Variants in TENM3 observed in about 807,000 individuals in gnomAD.
The protein encoded by TENM3 is teneurin transmembrane protein 3, also known as teneurin-3.
TENM3 carries 63 observed loss-of-function variants against 255.1 expected under a neutral mutation model. That is an observed-to-expected ratio of 0.25 (90% CI 0.20 to 0.30). The LOEUF (loss-of-function observed/expected upper bound fraction) is 0.30, where lower values mean the gene tolerates loss of function less well. TENM3 is among the 10% of genes least tolerant of loss of function. The probability of loss-of-function intolerance (pLI) is 1.00; values close to 1 mark genes in which losing one functional copy is unlikely to be tolerated. For missense variants in TENM3, 2,929 were observed against 3,461.1 expected, an observed-to-expected ratio of 0.85 and a Z score of 3.86; for synonymous variants, 1,306 against 1,322.3, an observed-to-expected ratio of 0.99 and a Z score of 0.27.
At chr4:182,435,626 G>C (rs1425519738) in intron 3 of TENM3, among the ~76,000 whole-genome samples, 2 of 152,194 alleles carry the variant, frequency 1.3e-5, no homozygotes, top group Non-Finnish European at 2.9e-5. Flanking sequence ...CCTTGGGCCA[G>C]ATAAAGGCCC....
rs1298531203 is a variant in TENM3 at position 182,751,936 on chromosome 4, G to A, written c.3766G>A (p.Val1256Ile). The A allele has an allele frequency of 6.2e-7, 1 of 1,613,916 alleles. No individual in the cohort carries two copies. The highest frequency in any genetic ancestry group is 8.5e-7 in the Non-Finnish European group (1 of 1,179,892). Reference sequence around the variant, plus strand: ...AAAAGACTTGACTAAAAATGCAGAAGTCGTCGCAGGGACAGGGGAGCAATG... The same window carrying A: ...AAAAGACTTGACTAAAAATGCAGAAATCGTCGCAGGGACAGGGGAGCAATG... ...GAKDLTKNAE[V>I]VAGTGEQCLP... is the part of the protein sequence containing the mutation. The change falls in exon 20 of 28, where the codon GTC (valine) becomes ATC (isoleucine). Residue 1256 changes from valine (V) to isoleucine (I), a missense_variant. Physicochemically the swap from Val to Ile is conservative, Grantham distance 29 (BLOSUM62 3). This residue lies in a region of TENM3 where 1,608 missense variants were observed against 1,884.4 expected (regional missense o/e 0.85). Coordinates refer to ENST00000511685, the MANE Select transcript of TENM3 (RefSeq NM_001080477.4).
At chr4:181,650,740 G>A in the TENM3 span, among the ~76,000 whole-genome samples, 3 of 152,182 alleles carry the variant, frequency 2.0e-5, no homozygotes, top group Non-Finnish European at 4.4e-5. Context: ...AGTAGAATGA[G>A]GTGTAAGAGA....
the TENM3 span, among the ~76,000 whole-genome samples, chr4:181,622,283 C>T: frequency 6.6e-6 from 1 of 152,168 alleles, no homozygotes; most frequent in Non-Finnish European, 1.5e-5. Flanking sequence ...ACCCTTGCAG[C>T]TCTTGGATTG....
intron 22 of TENM3, among the ~76,000 whole-genome samples, chr4:182,768,474 A>G (rs76250139): frequency 0.03 from 4,573 of 152,292 alleles, 183 homozygotes; most frequent in Admixed American, 0.079. Context: ...ATGGTGTTTC[A>G]GATTGATTTG....
At chr4:182,667,547 C>G (rs182552452) in intron 6 of TENM3, among the ~76,000 whole-genome samples, 2 of 152,264 alleles carry the variant, frequency 1.3e-5, no homozygotes, top group African/African-American at 4.8e-5. Context: ...ATAAATTAAT[C>G]TACATTTTGT....
At chr4:181,548,343 C>T in the TENM3 span, among the ~76,000 whole-genome samples, 1 of 152,136 alleles carries the variant, frequency 6.6e-6, no homozygotes, top group Admixed American at 6.6e-5. Context: ...ATCATGCTGC[C>T]ATAAAGACAC....
the TENM3 span, among the ~76,000 whole-genome samples, chr4:181,701,081 C>T: frequency 9.9e-5 from 15 of 152,078 alleles, no homozygotes; most frequent in African/African-American, 3.6e-4. Context: ...GAGGCAGCAT[C>T]GTTAAGTCAT....
chr4:182,455,710 C>T (rs547829048), intron 3 of TENM3, among the ~76,000 whole-genome samples: 3 of 151,890 alleles, frequency 2.0e-5, no homozygotes, highest in South Asian at 4.2e-4. Context: ...TACAGGCGTG[C>T]ACCAACACAC....
the TENM3 span, among the ~76,000 whole-genome samples, chr4:181,689,077 G>A: frequency 6.6e-5 from 10 of 152,286 alleles, no homozygotes; most frequent in South Asian, 2.1e-3. Flanking sequence ...GCAGTAGGCT[G>A]GTGCTGAGGA....
At chr4:181,636,554 T>C in the TENM3 span, among the ~76,000 whole-genome samples, 1 of 152,172 alleles carries the variant, frequency 6.6e-6, no homozygotes, top group Non-Finnish European at 1.5e-5. Flanking sequence ...CACTGTGTCA[T>C]GACAGGTTCC....
chr4:181,600,293 C>A, the TENM3 span, among the ~76,000 whole-genome samples: 2 of 152,252 alleles, frequency 1.3e-5, no homozygotes, highest in Non-Finnish European at 2.9e-5. Context: ...TTGACACAGA[C>A]CTACCTCTAA....
intron 13 of TENM3, among the ~76,000 whole-genome samples, chr4:182,727,861 G>GA (rs1760346879): frequency 8.9e-6 from 1 of 112,226 alleles, no homozygotes; most frequent in Non-Finnish European, 1.8e-5. Flanking sequence ...TTCCTTAGAA[G>GA]AACTTTTTTT....
At chr4:182,408,892 T>C (rs1427808145) in intron 3 of TENM3, among the ~76,000 whole-genome samples, 1 of 152,160 alleles carries the variant, frequency 6.6e-6, no homozygotes, top group East Asian at 1.9e-4. Context: ...AAATTATCAG[T>C]GTGAGCATTA....
the TENM3 span, among the ~76,000 whole-genome samples, chr4:181,516,373 A>AAG: frequency 2.6e-5 from 4 of 151,584 alleles, no homozygotes; most frequent in Admixed American, 6.6e-5. Context: ...ATATTTAAAA[A>AAG]AAAAAAAAAG....
chr4:182,362,584 G>A (rs939734879), intron 3 of TENM3, among the ~76,000 whole-genome samples: 1 of 149,460 alleles, frequency 6.7e-6, no homozygotes, highest in African/African-American at 2.5e-5. Flanking sequence ...GAAAAGCTCA[G>A]TACTCGGGTG....
chr4:182,191,160 A>C (rs1233954550), intron 1 of TENM3, among the ~76,000 whole-genome samples: 2 of 152,218 alleles, frequency 1.3e-5, no homozygotes, highest in East Asian at 3.8e-4. Flanking sequence ...GCTTTACTGA[A>C]ATGTCATTTG....
chr4:181,519,369 C>T, the TENM3 span, among the ~76,000 whole-genome samples: 1 of 152,176 alleles, frequency 6.6e-6, no homozygotes, highest in East Asian at 1.9e-4. Context: ...GAAAATATAA[C>T]TTATTAAAGC....
intron 1 of TENM3, among the ~76,000 whole-genome samples, chr4:182,189,142 G>C (rs2149779821): frequency 6.6e-6 from 1 of 151,862 alleles, no homozygotes; most frequent in African/African-American, 2.4e-5. Flanking sequence ...TTTATTGTGA[G>C]TTATCAGTGC....
chr4:182,145,737 C>G (rs1749918191), intron 1 of TENM3, among the ~76,000 whole-genome samples: 1 of 152,314 alleles, frequency 6.6e-6, no homozygotes, highest in African/African-American at 2.4e-5. Context: ...AGGCTGAGAG[C>G]TGTCCTAGAC....
Sources: gnomAD v4.1 joint callset for allele counts (sites outside exome capture counted in the v4.1 genomes callset) on GRCh38, gnomAD v4.1.1 for gene constraint, gnomAD v4.1.1 regional missense constraint, MANE v1.5 for transcripts, NCBI Gene and HGNC (gene_info 2026-07-23, HGNC 2026-07-21) for gene names.